CHRM2: variants seen among roughly 807,000 people sequenced by gnomAD.
CHRM2 encodes the protein cholinergic receptor muscarinic 2.
In CHRM2, 8 loss-of-function variants were observed where a neutral mutation model predicts 25.0. The observed-to-expected ratio is 0.32, with a 90% CI of 0.19 to 0.58. The LOEUF (loss-of-function observed/expected upper bound fraction) is 0.58, where lower values mean the gene tolerates loss of function less well. Ranked by LOEUF, CHRM2 falls within the 20% of genes least tolerant of loss-of-function variation. The pLI is 0.88. For missense variants in CHRM2, 440 were observed against 567.1 expected, an observed-to-expected ratio of 0.78 and a Z score of 2.28; for synonymous variants, 202 against 205.7, an observed-to-expected ratio of 0.98 and a Z score of 0.15.
At chr7:136,962,183 A>C (rs1177711042) in intron 2 of CHRM2, among the ~76,000 whole-genome samples, 1 of 151,722 alleles carries the variant, frequency 6.6e-6, no homozygotes, top group Non-Finnish European at 1.5e-5. Context: ...TGTCTAAACG[A>C]GTGCAGTGGT....
intron 2 of CHRM2, among the ~76,000 whole-genome samples, chr7:136,908,653 T>C (rs1470518205): frequency 6.6e-6 from 1 of 151,968 alleles, no homozygotes. Flanking sequence ...AAGTTTTGAA[T>C]GATCAGGTAT....
At chr7:136,928,795 G>A (rs1417027822) in intron 2 of CHRM2, among the ~76,000 whole-genome samples, 2 of 152,118 alleles carry the variant, frequency 1.3e-5, no homozygotes, top group Non-Finnish European at 2.9e-5. Context: ...TTCTTTTCAG[G>A]GGTAAAGTGT....
At position 136,869,268 on chromosome 7, in the gene CHRM2, G is replaced by C. The variant is rs1434142043; in HGVS notation, c.-275G>C. On this transcript the variant is annotated 5_prime_UTR_variant, in exon 2 of 4. Coordinates refer to ENST00000680005, the MANE Select transcript of CHRM2 (RefSeq NM_001006630.2). This position sits in a 1 kb window ranked among gnomAD's most constrained non-coding sequence, Gnocchi z 4.9. ...TTCCTTTTCTTTTGCAAGATCAAGGGAGAAAGAGAACCGGCAGCTGGCCTC... is the reference window on the plus strand; with the variant it reads ...TTCCTTTTCTTTTGCAAGATCAAGGCAGAAAGAGAACCGGCAGCTGGCCTC... The C allele has an allele frequency of 6.6e-6, 1 of 152,462 alleles. No homozygotes were observed. Among genetic ancestry groups the C allele is most frequent in the African/African-American group, 2.4e-5 (1 of 41,452 alleles). The allele number at this position is 152,462 out of a possible 1,614,324, so 9.4% of individuals were successfully genotyped here.
chr7:137,017,454 G>C lies in CHRM2; in HGVS notation c.*1188G>C, dbSNP rs1451820009. The C allele has an allele frequency of 6.6e-6, 1 of 151,892 alleles. No individual in the cohort carries two copies. Among genetic ancestry groups the C allele is most frequent in the African/African-American group, 2.4e-5 (1 of 41,402 alleles). The allele number at this position is 151,892 out of a possible 1,614,324, so 9.4% of individuals were successfully genotyped here. On this transcript the variant is annotated 3_prime_UTR_variant, in exon 4 of 4. Transcript: ENST00000680005. ...CATAGCACCAGTGATTTCTGGGCCA[G>C]TCCCTAGAGAATAGAACCTTCTATC...
chr7:136,873,429 C>T (rs1027165715), intron 2 of CHRM2, among the ~76,000 whole-genome samples: 13 of 152,310 alleles, frequency 8.5e-5, no homozygotes, highest in Middle Eastern at 3.4e-3. Context: ...GCTTTAGCCT[C>T]ACTGCTTAAA....
chr7:136,995,783 A>G (rs1233237283), intron 3 of CHRM2, among the ~76,000 whole-genome samples: 1 of 152,054 alleles, frequency 6.6e-6, no homozygotes, highest in Non-Finnish European at 1.5e-5. Context: ...ATAAATAAAT[A>G]AAATTTTAAA....
chr7:136,986,021 A>G (rs1012178808), intron 2 of CHRM2, among the ~76,000 whole-genome samples: 12 of 152,172 alleles, frequency 7.9e-5, no homozygotes, highest in Non-Finnish European at 1.5e-4. Context: ...TCTTTTTTAT[A>G]TAAATGAATG....
intron 2 of CHRM2, among the ~76,000 whole-genome samples, chr7:136,921,344 T>A (rs1321518173): frequency 3.9e-5 from 6 of 152,128 alleles, no homozygotes; most frequent in African/African-American, 1.4e-4. Flanking sequence ...CAGTGAGGTC[T>A]GCCTTTACTC....
chr7:136,974,420 T>A (rs763392004), intron 2 of CHRM2, among the ~76,000 whole-genome samples: 1 of 152,154 alleles, frequency 6.6e-6, no homozygotes, highest in Non-Finnish European at 1.5e-5. Flanking sequence ...ATAAAATGTA[T>A]GAAAATTGGA....
At chr7:136,966,136 A>T (rs1186416093) in intron 2 of CHRM2, among the ~76,000 whole-genome samples, 1 of 151,816 alleles carries the variant, frequency 6.6e-6, no homozygotes, top group Admixed American at 6.6e-5. Context: ...AGCATAGAAG[A>T]GTCTTGGTGA....
At chr7:136,996,910 G>T (rs191810754) in intron 3 of CHRM2, among the ~76,000 whole-genome samples, 1 of 152,174 alleles carries the variant, frequency 6.6e-6, no homozygotes, top group Admixed American at 6.5e-5. Flanking sequence ...TTTGAGCCAA[G>T]ATTTAAAAAT....
chr7:136,996,001 A>C (rs146405877), intron 3 of CHRM2, among the ~76,000 whole-genome samples: 1 of 152,038 alleles, frequency 6.6e-6, no homozygotes, highest in East Asian at 1.9e-4. Context: ...TAGAATGGAA[A>C]GCCCAGAAAC....
intron 2 of CHRM2, among the ~76,000 whole-genome samples, chr7:136,888,829 G>C (rs1796574406): frequency 6.6e-6 from 1 of 151,934 alleles, no homozygotes; most frequent in Non-Finnish European, 1.5e-5. Flanking sequence ...GGCGGATCAC[G>C]AAGTCAGGAG....
chr7:136,887,014 G>A (rs1480344374), intron 2 of CHRM2, among the ~76,000 whole-genome samples: 1 of 152,188 alleles, frequency 6.6e-6, no homozygotes, highest in African/African-American at 2.4e-5. Context: ...ATACAATGTA[G>A]CAAATATGTA....
At chr7:136,908,267 C>G (rs1797662974) in intron 2 of CHRM2, among the ~76,000 whole-genome samples, 1 of 151,822 alleles carries the variant, frequency 6.6e-6, no homozygotes, top group Non-Finnish European at 1.5e-5. Flanking sequence ...TAAAATGAGT[C>G]TTTAGTAATT....
intron 2 of CHRM2, among the ~76,000 whole-genome samples, chr7:136,875,450 A>C (rs1458278118): frequency 1.3e-5 from 2 of 152,032 alleles, no homozygotes. Context: ...ACCCCAGGTT[A>C]AATCTGTTCC....
Position 137,019,968 on chromosome 7 carries a change from C to T in CHRM2, c.*3702C>T, listed in dbSNP as rs2131146412. ...CTCCTCGCCCCAGTTTGATAATATC[C>T]CTTTCAACAACCATAGTACCGGTGT... On this transcript the variant is annotated 3_prime_UTR_variant, in exon 4 of 4. Transcript: ENST00000680005. 1 of 151,932 alleles carries T rather than the reference C, an allele frequency of 6.6e-6. No individual in the cohort carries two copies. The highest frequency in any genetic ancestry group is 1.9e-4 in the East Asian group (1 of 5,134). 9.4% of individuals were successfully genotyped at this position (151,932 alleles called of 1,614,324 possible). A position where few individuals can be genotyped will look rare whatever the true frequency, so the allele number is the denominator to read the frequency against.
At chr7:136,943,706 GT>G (rs746781422) in intron 2 of CHRM2, among the ~76,000 whole-genome samples, 172 of 36,452 alleles carry the variant, frequency 4.7e-3, no homozygotes, top group Non-Finnish European at 4.5e-3. Context: ...GAACTCACAA[GT>G]TTTTCAAGGC....
chr7:136,915,180 C>T lies in CHRM2; in HGVS notation c.-125+45762C>T, dbSNP rs530447668. On this transcript the variant is annotated intron_variant, in intron 2 of 3. Transcript: ENST00000680005. ...ATTTAGGAAGAGAAATGTGTAGCTA[C>T]GGCAAGTCTCATTTTGATACTTAAG... Among the ~76,000 whole-genome samples the T allele has an allele frequency of 3.3e-5, 5 of 151,850 alleles. No individual in the cohort carries two copies. In the South Asian group the frequency reaches 8.3e-4, roughly 25 times the overall value.
Sources: allele counts gnomAD v4.1 joint callset (sites outside exome capture counted in the v4.1 genomes callset), GRCh38; gene constraint gnomAD v4.1.1; non-coding constraint Gnocchi (gnomAD v3.1); transcripts MANE v1.5; gene names NCBI Gene and HGNC (gene_info 2026-07-23, HGNC 2026-07-21).